IL10RB: variants seen among roughly 807,000 people sequenced by gnomAD.
IL10RB encodes the protein interleukin 10 receptor subunit beta.
Under a neutral mutation model 38.7 loss-of-function variants are expected in IL10RB, and 30 were observed. The ratio of observed to expected loss-of-function variants is 0.78; its 90% confidence interval spans 0.58 to 1.05. IL10RB has a LOEUF of 1.05. Among genes scored for constraint, IL10RB ranks in the 50% least tolerant of loss-of-function variants. The probability of loss-of-function intolerance (pLI) is 0.00; values close to 1 mark genes in which losing one functional copy is unlikely to be tolerated. For synonymous variants in IL10RB, 142 were observed against 145.9 expected (o/e 0.97, Z 0.19); for missense variants, 328 against 397.1 (o/e 0.83, Z 1.48).
intron 5 of IL10RB, among the ~76,000 whole-genome samples, chr21:33,284,288 C>A (rs115663106): frequency 1.4e-4 from 19 of 133,006 alleles, no homozygotes; most frequent in Non-Finnish European, 2.6e-4. Flanking sequence ...AAGAGTGAGA[C>A]CCTGCCTCAA....
chr21:33,287,549 T>C (rs1989397683), intron 5 of IL10RB, among the ~76,000 whole-genome samples: 1 of 152,090 alleles, frequency 6.6e-6, no homozygotes, highest in African/African-American at 2.4e-5. Flanking sequence ...TTTTTTGTTG[T>C]AGAGAAGGGG....
At chr21:33,292,267 C>T (rs549670631) in intron 6 of IL10RB, among the ~76,000 whole-genome samples, 59 of 152,310 alleles carry the variant, frequency 3.9e-4, no homozygotes, top group African/African-American at 1.3e-3. Flanking sequence ...ATCAGACCCA[C>T]GGCCCAAAGC....
Position 33,268,431 on chromosome 21 carries a change from G to T in IL10RB, c.87G>T (p.Met29Ile). 1 of 1,614,046 alleles carries T rather than the reference G, an allele frequency of 6.2e-7. No individual in the cohort carries two copies. The highest frequency in any genetic ancestry group is 1.1e-5 in the South Asian group (1 of 91,082). Residue 29 changes from methionine (M) to isoleucine (I), a missense_variant, in exon 2 of 7, where the codon ATG (methionine) becomes ATT (isoleucine). Met to Ile is a conservative substitution (Grantham distance 10). Coordinates refer to ENST00000290200, the MANE Select transcript of IL10RB (RefSeq NM_000628.5). ...TACCACCTCCCGAAAATGTCAGAAT[G>T]AATTCTGTTAATTTCAAGAACATTC... The part of the protein sequence containing the change: ...GMVPPPENVR[M>I]NSVNFKNILQ...
At chr21:33,303,142 C>T (rs1054730337) in intron 1 of IL10RB, among the ~76,000 whole-genome samples, 1 of 152,118 alleles carries the variant, frequency 6.6e-6, no homozygotes, top group Non-Finnish European at 1.5e-5. Flanking sequence ...TCCTCTCTGA[C>T]TCAGTTCTTT....
chr21:33,304,419 G>A (rs1370638515), intron 1 of IL10RB, among the ~76,000 whole-genome samples: 1 of 152,156 alleles, frequency 6.6e-6, no homozygotes, highest in Non-Finnish European at 1.5e-5. Context: ...GGCCTGCTGA[G>A]CCATCAGCAG....
chr21:33,289,576 TC>T (rs1989444442), intron 6 of IL10RB, among the ~76,000 whole-genome samples: 1 of 152,182 alleles, frequency 6.6e-6, no homozygotes, highest in Non-Finnish European at 1.5e-5. Context: ...CAATGGCCTG[TC>T]CCTGCACTTG....
intron 3 of IL10RB, among the ~76,000 whole-genome samples, chr21:33,279,321 A>C (rs1260311641): frequency 6.6e-6 from 1 of 152,232 alleles, no homozygotes; most frequent in Non-Finnish European, 1.5e-5. Context: ...TATATGTTAA[A>C]CATGTAAAGG....
At position 33,266,419 on chromosome 21, in the gene IL10RB, G is replaced by C; in HGVS notation, c.-47G>C. ...CGGACAAGCTCTCCCGGGCGCGGGC[G>C]GGGGTCGTGTGCTTGGAGGAAGCCG... On this transcript the variant is annotated 5_prime_UTR_variant, in exon 1 of 7. Transcript: ENST00000290200. 2.6e-6 allele frequency: 4 copies of C among 1,533,974 alleles called. No homozygotes were observed. The highest frequency in any genetic ancestry group is 3.5e-6 in the Non-Finnish European group (4 of 1,143,224).
downstream of IL10RB, among the ~76,000 whole-genome samples, chr21:33,299,469 A>T (rs1346883464): frequency 1.3e-5 from 2 of 151,928 alleles, no homozygotes; most frequent in Non-Finnish European, 2.9e-5. Context: ...AGCCATCCTC[A>T]CCCCCTTCCA....
chr21:33,276,480 A>T, intron 2 of IL10RB, 116 bp from the exon 3 acceptor site: 2 of 794,210 alleles, frequency 2.5e-6, no homozygotes, highest in Non-Finnish European at 4.5e-6. Context: ...ACGTATTTCT[A>T]TGTTTAACAC....
chr21:33,293,959 A>G (rs1018676291), intron 6 of IL10RB: 2 of 471,082 alleles, frequency 4.2e-6, no homozygotes, highest in Non-Finnish European at 8.8e-6. Flanking sequence ...ACTGAGAACC[A>G]AAAGGAAACA....
chr21:33,288,548 C>G (rs755282723), intron 6 of IL10RB, among the ~76,000 whole-genome samples: 8 of 152,074 alleles, frequency 5.3e-5, no homozygotes, highest in Non-Finnish European at 7.4e-5. Context: ...TGCCCAAAGC[C>G]CCAGGTCCCT....
intron 3 of IL10RB, among the ~76,000 whole-genome samples, chr21:33,279,425 G>T (rs1289349327): frequency 6.6e-6 from 1 of 152,032 alleles, no homozygotes; most frequent in Non-Finnish European, 1.5e-5. Flanking sequence ...TAAAAGAGGA[G>T]AAGACACCAA....
At chr21:33,272,062 A>G (rs1403354553) in intron 2 of IL10RB, among the ~76,000 whole-genome samples, 11 of 152,242 alleles carry the variant, frequency 7.2e-5, no homozygotes, top group Admixed American at 7.2e-4. Context: ...GGATTTTCCA[A>G]ATGATGGGAT....
Position 33,276,653 on chromosome 21 carries a change from A to G in IL10RB, c.231A>G (p.Ser77=). The G allele has an allele frequency of 1.2e-6, 2 of 1,612,784 alleles. No homozygotes were observed. Among genetic ancestry groups the G allele is most frequent in the Non-Finnish European group, 1.7e-6 (2 of 1,178,746 alleles). The change falls in exon 3 of 7, where the codon TCA becomes TCG. Residue 77 remains serine (S), a synonymous_variant. Coordinates refer to ENST00000290200, the MANE Select transcript of IL10RB (RefSeq NM_000628.5). The part of the protein sequence containing the change: ...MNTTLTECDF[S]SLSKYGDHTL... Reference sequence around the variant, plus strand: ...CTACCTTGACGGAATGTGATTTCTCAAGTCTTTCCAAGTATGGTGACCACA... The same window carrying G: ...CTACCTTGACGGAATGTGATTTCTCGAGTCTTTCCAAGTATGGTGACCACA...
chr21:33,291,845 T>C (rs1437293220), intron 6 of IL10RB, among the ~76,000 whole-genome samples: 1 of 152,174 alleles, frequency 6.6e-6, no homozygotes, highest in African/African-American at 2.4e-5. Context: ...GCAGGCAGGT[T>C]GGACATTCCA....
intron 1 of IL10RB, among the ~76,000 whole-genome samples, chr21:33,266,857 G>A (rs970423766): frequency 2.0e-5 from 3 of 152,102 alleles, no homozygotes; most frequent in African/African-American, 7.2e-5. Context: ...ATCCCACCGT[G>A]GCTGTCATCT....
At chr21:33,279,305 T>C (rs976827469) in intron 3 of IL10RB, among the ~76,000 whole-genome samples, 3 of 152,182 alleles carry the variant, frequency 2.0e-5, no homozygotes, top group South Asian at 4.1e-4. Flanking sequence ...TATATATGGT[T>C]AATTATATAT....
Position 33,273,114 on chromosome 21 carries a change from T to C in IL10RB, c.174-3482T>C, listed in dbSNP as rs143449714. 2.4e-3 allele frequency among the ~76,000 whole-genome samples: 365 copies of C among 152,304 alleles called. 3 individuals carry two copies. Among genetic ancestry groups the C allele is most frequent in the African/African-American group, 8.3e-3 (346 of 41,562 alleles). On this transcript the variant is annotated intron_variant, in intron 2 of 6. Coordinates refer to ENST00000290200, the MANE Select transcript of IL10RB (RefSeq NM_000628.5). ...GTCATGCAGTGTACTTGCACAAACC[T>C]AGATGGTGTAGCCTCGTATACACCT...
Sources: allele counts gnomAD v4.1 joint callset (sites outside exome capture counted in the v4.1 genomes callset), GRCh38; gene constraint gnomAD v4.1.1; transcripts MANE v1.5; gene names NCBI Gene and HGNC (gene_info 2026-07-23, HGNC 2026-07-21).